LRP1B: variants seen among roughly 807,000 people sequenced by gnomAD.
LRP1B encodes the protein LDL receptor related protein 1B.
A neutral mutation model predicts 556.6 loss-of-function variants in LRP1B; 217 were observed. The ratio of observed to expected loss-of-function variants is 0.39; its 90% CI spans 0.35 to 0.44. The LOEUF is 0.44. Among genes scored for constraint, LRP1B ranks in the 20% least tolerant of loss-of-function variants. The probability of loss-of-function intolerance (pLI) is 1.00; values close to 1 mark genes in which losing one functional copy is unlikely to be tolerated. For synonymous variants in LRP1B, 2,047 were observed against 1,865.8 expected, an observed-to-expected ratio of 1.10 and a Z score of -2.50; for missense variants, 5,053 against 5,620.8, an observed-to-expected ratio of 0.90 and a Z score of 3.23.
intron 2 of LRP1B, among the ~76,000 whole-genome samples, chr2:141,635,045 G>GC (rs1553439078): frequency 8.8e-5 from 1 of 11,328 alleles, no homozygotes; most frequent in African/African-American, 3.9e-4. Context: ...GAACTATAGT[G>GC]AAACACACAC....
At chr2:142,060,369 A>G (rs143900178) in intron 1 of LRP1B, among the ~76,000 whole-genome samples, 1 of 152,176 alleles carries the variant, frequency 6.6e-6, no homozygotes, top group East Asian at 1.9e-4. Context: ...GTTAAATGCA[A>G]GAACCTCAAA....
At chr2:141,750,118 T>C (rs970009626) in intron 2 of LRP1B, among the ~76,000 whole-genome samples, 4 of 152,144 alleles carry the variant, frequency 2.6e-5, no homozygotes, top group South Asian at 2.1e-4. Context: ...GTCTGGTATA[T>C]TTCTCAGTAG....
At chr2:140,310,553 T>C (rs1452718950) in intron 83 of LRP1B, among the ~76,000 whole-genome samples, 2 of 151,748 alleles carry the variant, frequency 1.3e-5, no homozygotes, top group Non-Finnish European at 2.9e-5. Flanking sequence ...AATAGATACA[T>C]GGATCAATGG....
intron 1 of LRP1B, among the ~76,000 whole-genome samples, chr2:141,893,893 G>T (rs571890128): frequency 6.6e-6 from 1 of 151,918 alleles, no homozygotes. Context: ...TAAAAATCCC[G>T]CCTTTCTCTT....
chr2:140,696,393 C>T (rs1018423781), intron 41 of LRP1B, among the ~76,000 whole-genome samples: 5 of 152,122 alleles, frequency 3.3e-5, no homozygotes, highest in South Asian at 4.2e-4. Flanking sequence ...CAGAAAGATT[C>T]GTATAAACTA....
At chr2:140,619,585 CG>C (rs1683382365) in intron 41 of LRP1B, among the ~76,000 whole-genome samples, 1 of 152,080 alleles carries the variant, frequency 6.6e-6, no homozygotes, top group Admixed American at 6.6e-5. Flanking sequence ...TGGGAGTCCC[CG>C]TATAACCTTG....
At chr2:141,599,067 C>G (rs1687638232) in intron 2 of LRP1B, among the ~76,000 whole-genome samples, 1 of 96,780 alleles carries the variant, frequency 1.0e-5, no homozygotes, top group Non-Finnish European at 2.1e-5. Flanking sequence ...CCCCCCCCCC[C>G]CCCCCCCGCT....
At chr2:141,041,841 C>T (rs1198103059) in intron 11 of LRP1B, among the ~76,000 whole-genome samples, 1 of 151,956 alleles carries the variant, frequency 6.6e-6, no homozygotes, top group Non-Finnish European at 1.5e-5. Flanking sequence ...ACAAATATGA[C>T]TTTGTACCCT....
intron 1 of LRP1B, among the ~76,000 whole-genome samples, chr2:142,049,674 C>T (rs559627876): frequency 6.6e-6 from 1 of 152,196 alleles, no homozygotes; most frequent in South Asian, 2.1e-4. Flanking sequence ...TCATCCACTG[C>T]TCTGAAGAAG....
intron 23 of LRP1B, chr2:140,898,808 C>T: frequency 1.9e-6 from 1 of 521,990 alleles, no homozygotes; most frequent in Non-Finnish European, 3.8e-6. Flanking sequence ...ACTTTGTAGC[C>T]TAGGCCACCG....
intron 18 of LRP1B, among the ~76,000 whole-genome samples, chr2:140,973,733 T>C (rs1235110786): frequency 6.6e-6 from 1 of 152,062 alleles, no homozygotes; most frequent in Non-Finnish European, 1.5e-5. Flanking sequence ...CACATGAACT[T>C]TTTACATTTT....
intron 7 of LRP1B, among the ~76,000 whole-genome samples, chr2:141,115,666 TAG>T (rs1700878789): frequency 1.3e-5 from 2 of 148,808 alleles, no homozygotes; most frequent in Admixed American, 1.3e-4. Context: ...TGTTTTTTAG[TAG>T]AGACGGGTTT....
chr2:141,929,516 T>C (rs1379677804), intron 1 of LRP1B, among the ~76,000 whole-genome samples: 1 of 152,052 alleles, frequency 6.6e-6, no homozygotes, highest in African/African-American at 2.4e-5. Context: ...ACATCGTAGG[T>C]ATGCATTTCC....
chr2:140,459,862 T>C (rs1687246629), intron 60 of LRP1B, among the ~76,000 whole-genome samples: 1 of 151,806 alleles, frequency 6.6e-6, no homozygotes, highest in Admixed American at 6.6e-5. Context: ...GTGTAGCACT[T>C]CCCCCCTACA....
intron 3 of LRP1B, among the ~76,000 whole-genome samples, chr2:141,296,919 C>T (rs1686202193): frequency 6.6e-6 from 1 of 152,126 alleles, no homozygotes; most frequent in Non-Finnish European, 1.5e-5. Flanking sequence ...CTACTGTACC[C>T]AATTGTTAGC....
chr2:141,469,199 T>C (rs6733988), intron 3 of LRP1B, among the ~76,000 whole-genome samples: 104,281 of 152,116 alleles, frequency 0.69, 37,189 homozygotes, highest in East Asian at 0.83. Context: ...AGTTTGGAAA[T>C]GTATAATATA....
chr2:140,513,279 G>T (rs534216930), intron 51 of LRP1B, among the ~76,000 whole-genome samples: 1 of 152,160 alleles, frequency 6.6e-6, no homozygotes, highest in South Asian at 2.1e-4. Context: ...AAGTCTACAT[G>T]ACTTTAGAGA....
intron 1 of LRP1B, among the ~76,000 whole-genome samples, chr2:141,954,414 A>G (rs1024786969): frequency 1.2e-4 from 18 of 152,220 alleles, no homozygotes; most frequent in African/African-American, 4.1e-4. Context: ...GGAAGTGTAC[A>G]TATTTATGAG....
chr2:141,049,319 TA>T, intron 10 of LRP1B, 97 bp from the exon 11 acceptor site: 1 of 781,462 alleles, frequency 1.3e-6, no homozygotes, highest in Non-Finnish European at 2.2e-6. Flanking sequence ...TAGCGTTTTT[TA>T]AATTCAATGC....
Sources: allele counts gnomAD v4.1 joint callset (sites outside exome capture counted in the v4.1 genomes callset), GRCh38; gene constraint gnomAD v4.1.1; transcripts MANE v1.5; gene names NCBI Gene and HGNC (gene_info 2026-07-23, HGNC 2026-07-21).